Variants in CST8 observed in about 807,000 individuals in gnomAD.
CST8 encodes the protein cystatin-8.
A neutral mutation model predicts 11.8 loss-of-function variants in CST8; 20 were observed. The ratio of observed to expected loss-of-function variants is 1.70; its 90% CI spans 1.20 to 2.47. CST8 has a LOEUF of 2.47. Among genes scored for constraint, CST8 ranks in the 30% most tolerant of loss-of-function variants. The pLI, the probability that CST8 is intolerant of heterozygous loss-of-function variation, is 0.00. For missense variants in CST8, 196 were observed against 167.2 expected (o/e 1.17, Z -0.95); for synonymous variants, 77 against 63.1 (o/e 1.22, Z -1.05).
At chr20:23,506,045 C>A in the CST8 span, among the ~76,000 whole-genome samples, 1 of 150,862 alleles carries the variant, frequency 6.6e-6, no homozygotes, top group African/African-American at 2.4e-5. Flanking sequence ...TCCTAAATAG[C>A]TTCCAAATGG....
chr20:23,496,625 G>C (rs1053501193), downstream of CST8, among the ~76,000 whole-genome samples: 5 of 152,138 alleles, frequency 3.3e-5, no homozygotes, highest in Admixed American at 6.5e-5. Flanking sequence ...GCAGACAACT[G>C]GTCTGACCAA....
intron 2 of CST8, 133 bp downstream of exon 2, chr20:23,492,031 CA>C: frequency 1.5e-6 from 1 of 674,366 alleles, no homozygotes; most frequent in Non-Finnish European, 2.6e-6. Context: ...AGAGCCTAGA[CA>C]CTTCCACAGC....
At chr20:23,498,763 T>C (rs911025591), downstream of CST8, among the ~76,000 whole-genome samples, 1 of 152,230 alleles carries the variant, frequency 6.6e-6, no homozygotes, top group Non-Finnish European at 1.5e-5. Context: ...TGGAATGTGA[T>C]GTATCTTTTA....
At chr20:23,491,955 A>T in intron 2 of CST8, 57 bp downstream of exon 2, 1 of 1,353,186 alleles carries the variant, frequency 7.4e-7, no homozygotes, top group Non-Finnish European at 1.1e-6. Flanking sequence ...AGTTGAAGCC[A>T]GACTGAAAGA....
At chr20:23,494,171 G>T (rs2224219) in intron 3 of CST8, among the ~76,000 whole-genome samples, 28,873 of 152,084 alleles carry the variant, frequency 0.19, 3,885 homozygotes, top group African/African-American at 0.38. Flanking sequence ...AATGCTATCT[G>T]ATCTTTTATG....
the CST8 span, among the ~76,000 whole-genome samples, chr20:23,502,117 T>C: frequency 6.6e-6 from 1 of 152,166 alleles, no homozygotes; most frequent in Non-Finnish European, 1.5e-5. Flanking sequence ...CCACACCTGC[T>C]TGTGGAATTT....
intron 3 of CST8, among the ~76,000 whole-genome samples, chr20:23,494,531 CTTCT>C (rs1466047085): frequency 6.6e-6 from 1 of 152,166 alleles, no homozygotes; most frequent in Non-Finnish European, 1.5e-5. Context: ...ACTAAACTTT[CTTCT>C]TTCTGACTTT....
intron 3 of CST8, 48 bp from the exon 4 acceptor site, chr20:23,495,775 CTTTTTTTT>C (rs11482296): frequency 4.3e-6 from 4 of 934,146 alleles, no homozygotes; most frequent in Non-Finnish European, 4.8e-6. Context: ...TTTTTCTTTT[CTTTTTTTT>C]TTTTTTTTTG....
In CST8 at chr20:23,491,620, C is replaced by T. The variant is rs778877060; in HGVS notation, c.-48C>T. The T allele has an allele frequency of 4.7e-6, 7 of 1,481,236 alleles. No individual in the cohort carries two copies. The East Asian group carries it at 1.1e-4, about 24-fold the overall frequency. The allele number at this position is 1,481,236 out of a possible 1,614,324, so 91.8% of individuals were successfully genotyped here. The stretch of plus-strand genomic sequence containing the variant: ...CCCCATCCTGCCCACAGCTCCAGCC[C>T]TGAGACGACGAGGAGGAGAGTCGAC... On this transcript the variant is annotated 5_prime_UTR_variant, in exon 2 of 4. Transcript: ENST00000246012.
downstream of CST8, among the ~76,000 whole-genome samples, chr20:23,498,122 T>G (rs1000143913): frequency 4.6e-5 from 7 of 151,930 alleles, no homozygotes; most frequent in African/African-American, 1.5e-4. Flanking sequence ...AAAATTCTCT[T>G]GAAGAAAGTA....
the CST8 span, among the ~76,000 whole-genome samples, chr20:23,506,321 A>G: frequency 6.6e-6 from 1 of 152,118 alleles, no homozygotes; most frequent in Non-Finnish European, 1.5e-5. Flanking sequence ...TGGGGGTCCT[A>G]GACTCCTCCT....
the CST8 span, among the ~76,000 whole-genome samples, chr20:23,505,293 C>T: frequency 5.3e-5 from 8 of 151,764 alleles, no homozygotes; most frequent in South Asian, 1.0e-3. Flanking sequence ...TACGGGTGCC[C>T]GCCACCATGG....
At chr20:23,492,422 C>T (rs181742647) in intron 2 of CST8, among the ~76,000 whole-genome samples, 2 of 152,292 alleles carry the variant, frequency 1.3e-5, no homozygotes, top group East Asian at 3.9e-4. Context: ...ACAAGACAGG[C>T]AAACTCATGC....
chr20:23,498,392 A>G (rs1321114021), downstream of CST8, among the ~76,000 whole-genome samples: 1 of 152,198 alleles, frequency 6.6e-6, no homozygotes, highest in Non-Finnish European at 1.5e-5. Flanking sequence ...AGGAGAAGCC[A>G]GGTTTTATCT....
At chr20:23,492,845 T>A in intron 2 of CST8, 113 bp from the exon 3 acceptor site, 1 of 723,980 alleles carries the variant, frequency 1.4e-6, no homozygotes, top group Non-Finnish European at 2.5e-6. Flanking sequence ...TGTCTGGGGG[T>A]GAGGGAGGAA....
the CST8 span, among the ~76,000 whole-genome samples, chr20:23,507,048 C>G: frequency 6.6e-6 from 1 of 152,138 alleles, no homozygotes; most frequent in Non-Finnish European, 1.5e-5. Context: ...TTTTTACTTA[C>G]TCTGTTGAGG....
At chr20:23,492,506 A>G (rs1390543209) in intron 2 of CST8, among the ~76,000 whole-genome samples, 1 of 152,118 alleles carries the variant, frequency 6.6e-6, no homozygotes, top group South Asian at 2.1e-4. Flanking sequence ...AGAGGATGGG[A>G]GGTTTCACAG....
intron 3 of CST8, among the ~76,000 whole-genome samples, chr20:23,493,438 C>G (rs1050070863): frequency 2.0e-5 from 3 of 152,202 alleles, no homozygotes; most frequent in African/African-American, 7.2e-5. Context: ...CATCCCCATA[C>G]AGACACAAAA....
At chr20:23,504,274 T>C in the CST8 span, among the ~76,000 whole-genome samples, 1 of 152,200 alleles carries the variant, frequency 6.6e-6, no homozygotes, top group Non-Finnish European at 1.5e-5. Flanking sequence ...CCATACCCTA[T>C]ATAGTTCAAC....
Sources: allele counts gnomAD v4.1 joint callset (sites outside exome capture counted in the v4.1 genomes callset), GRCh38; gene constraint gnomAD v4.1.1; transcripts MANE v1.5; gene names NCBI Gene and HGNC (gene_info 2026-07-23, HGNC 2026-07-21).